The following ASZ1 variants were observed in gnomAD, a reference collection of about 807,000 sequenced individuals.
ASZ1 encodes ankyrin repeat, SAM and basic leucine zipper domain-containing protein 1.
In ASZ1, 67 loss-of-function variants were observed where a neutral mutation model predicts 61.8. The ratio of observed to expected loss-of-function variants is 1.08; its 90% CI spans 0.89 to 1.33. The LOEUF (loss-of-function observed/expected upper bound fraction) is 1.33, where lower values mean the gene tolerates loss of function less well. Ranked by LOEUF, ASZ1 falls within the 40% of genes most tolerant of loss-of-function variation. The pLI is 0.00. For synonymous variants in ASZ1, 193 were observed against 192.7 expected (o/e 1.00, Z -0.01); for missense variants, 577 against 554.5 (o/e 1.04, Z -0.41).
intron 12 of ASZ1, among the ~76,000 whole-genome samples, chr7:117,365,557 T>C (rs1393363485): frequency 1.3e-5 from 2 of 152,178 alleles, no homozygotes; most frequent in South Asian, 4.1e-4. Flanking sequence ...CTGAAGCAAA[T>C]AGCTTTTAGG....
At chr7:117,381,989 TA>T in intron 8 of ASZ1, 79 bp downstream of exon 8, 2 of 878,432 alleles carry the variant, frequency 2.3e-6, no homozygotes, top group Non-Finnish European at 3.6e-6. Context: ...TAGACATGTT[TA>T]TGAATTAATA....
chr7:117,381,130 C>T, intron 8 of ASZ1, 63 bp from the exon 9 acceptor site: 2 of 1,402,266 alleles, frequency 1.4e-6, no homozygotes, highest in African/African-American at 1.5e-5. Context: ...GAGAAGTAGG[C>T]AAATGTTCAT....
chr7:117,379,854 G>T, intron 10 of ASZ1, 84 bp downstream of exon 10: 2 of 867,146 alleles, frequency 2.3e-6, no homozygotes, highest in Non-Finnish European at 3.5e-6. Context: ...CAAGTAAAAT[G>T]ACTCAGACAT....
intron 12 of ASZ1, among the ~76,000 whole-genome samples, chr7:117,364,363 T>C (rs1248487970): frequency 6.6e-6 from 1 of 151,972 alleles, no homozygotes; most frequent in Non-Finnish European, 1.5e-5. Flanking sequence ...CTACTGTGTG[T>C]GTGTGCCCAC....
At position 117,368,310 on chromosome 7, in the gene ASZ1, T is replaced by G; in HGVS notation, c.1161+302A>C. ...ATAACACACTGTTTTATTTCCATTT[T>G]CACTTGGGTCTCCTGTCACTTTATA... On this transcript the variant is annotated intron_variant, in intron 11 of 12. Coordinates refer to ENST00000284629, the MANE Select transcript of ASZ1 (RefSeq NM_130768.3). The G allele has an allele frequency of 4.9e-6, 5 of 1,014,436 alleles. No homozygotes were observed. In the South Asian group the frequency reaches 2.2e-4, roughly 45 times the overall value. 62.8% of individuals were successfully genotyped at this position (1,014,436 alleles called of 1,614,324 possible). A position where few individuals can be genotyped will look rare whatever the true frequency, so the allele number is the denominator to read the frequency against.
At chr7:117,364,542 C>T (rs1378716729) in intron 12 of ASZ1, among the ~76,000 whole-genome samples, 5 of 151,578 alleles carry the variant, frequency 3.3e-5, no homozygotes, top group Non-Finnish European at 5.9e-5. Context: ...TAAGCAGAAA[C>T]CAAAGATCCT....
intron 4 of ASZ1, among the ~76,000 whole-genome samples, chr7:117,395,103 A>G (rs1796552497): frequency 6.6e-6 from 1 of 152,270 alleles, no homozygotes; most frequent in Non-Finnish European, 1.5e-5. Flanking sequence ...CTCCAAACAC[A>G]GAAGACAAGA....
chr7:117,410,353 G>T (rs962915202), intron 4 of ASZ1, among the ~76,000 whole-genome samples: 1 of 151,510 alleles, frequency 6.6e-6, no homozygotes, highest in African/African-American at 2.4e-5. Context: ...ACAGGACTTG[G>T]GACATAAATT....
intron 4 of ASZ1, among the ~76,000 whole-genome samples, chr7:117,390,462 C>T (rs184978639): frequency 4.5e-4 from 68 of 152,262 alleles, no homozygotes; most frequent in African/African-American, 1.5e-3. Context: ...AGCCACCATG[C>T]CCAGCTGCTA....
chr7:117,383,582 G>T (rs1211774501), intron 6 of ASZ1, among the ~76,000 whole-genome samples: 1 of 151,918 alleles, frequency 6.6e-6, no homozygotes, highest in Non-Finnish European at 1.5e-5. Context: ...ATGACTAAAT[G>T]TATACAAATC....
At chr7:117,423,612 G>A (rs1797140281) in intron 2 of ASZ1, among the ~76,000 whole-genome samples, 1 of 148,784 alleles carries the variant, frequency 6.7e-6, no homozygotes, top group African/African-American at 2.5e-5. Context: ...TTGGGATGCC[G>A]AAGTGGGTGG....
intron 4 of ASZ1, among the ~76,000 whole-genome samples, chr7:117,407,219 T>C (rs913683280): frequency 6.6e-6 from 1 of 152,118 alleles, no homozygotes; most frequent in Admixed American, 6.5e-5. Flanking sequence ...ACTATACACA[T>C]GCTCAAGAAA....
At chr7:117,374,018 A>G (rs4727849) in intron 10 of ASZ1, among the ~76,000 whole-genome samples, 76,581 of 151,886 alleles carry the variant, frequency 0.5, 20,808 homozygotes, top group African/African-American at 0.71. Flanking sequence ...CTATTATGTT[A>G]TTCTGAAACA....
At chr7:117,418,904 CGA>C in intron 4 of ASZ1, among the ~76,000 whole-genome samples, 1 of 149,090 alleles carries the variant, frequency 6.7e-6, no homozygotes, top group African/African-American at 2.5e-5. Flanking sequence ...GAAGTTACAG[CGA>C]GCCACGATGG....
chr7:117,414,335 G>A (rs1398140072), intron 4 of ASZ1, among the ~76,000 whole-genome samples: 1 of 152,038 alleles, frequency 6.6e-6, no homozygotes, highest in African/African-American at 2.4e-5. Context: ...TTGACACCCA[G>A]GAATCCAAAT....
At position 117,380,043 on chromosome 7, in the gene ASZ1, C is replaced by A; in HGVS notation, c.950G>T (p.Gly317Val). Residue 317 changes from glycine (G) to valine (V), a missense_variant, in exon 10 of 13, where the codon GGA (glycine) becomes GTA (valine). By Grantham distance (109) the Gly-to-Val change is moderately radical. Coordinates refer to ENST00000284629, the MANE Select transcript of ASZ1 (RefSeq NM_130768.3). The part of the protein sequence containing the change: ...TMREDEFTKN[G>V]ITSKDQQKIL... ...TTTCTGCTGGTCTTTACTGGTAATT[C>A]CATTCTAAGCAGAAATAATTTTAAG... 1 of 1,568,254 alleles carries A rather than the reference C, an allele frequency of 6.4e-7. No individual in the cohort carries two copies. Among genetic ancestry groups the A allele is most frequent in the Non-Finnish European group, 8.7e-7 (1 of 1,146,400 alleles).
chr7:117,414,772 T>C (rs1189976363), intron 4 of ASZ1, among the ~76,000 whole-genome samples: 1 of 152,168 alleles, frequency 6.6e-6, no homozygotes, highest in African/African-American at 2.4e-5. Context: ...CTGAGAATGA[T>C]GGTTTCCAGT....
At chr7:117,400,145 C>T (rs188713551) in intron 4 of ASZ1, among the ~76,000 whole-genome samples, 6 of 152,182 alleles carry the variant, frequency 3.9e-5, no homozygotes, top group East Asian at 3.9e-4. Context: ...GCATATAGTT[C>T]GGTATTATCT....
Position 117,368,674 on chromosome 7 carries a change from ACT to A in ASZ1, c.1097_1098del (p.Gln366LeufsTer14). ...TGTACAGCTGTTATTAAATGGCCACACTGTTTATTTAATTTGAGAAGAAAGTT... is the reference window on the plus strand; with the variant it reads ...TGTACAGCTGTTATTAAATGGCCACAGTTTATTTAATTTGAGAAGAAAGTT... ...FLNFLLKLNK[Q>X]CGHLITAVQN... On this transcript the variant is annotated frameshift_variant, in exon 11 of 13. Transcript: ENST00000284629. LOFTEE classifies it high-confidence loss of function. 6.2e-7 allele frequency: 1 copy of A among 1,612,940 alleles called. No homozygotes were observed. Among genetic ancestry groups the A allele is most frequent in the Non-Finnish European group, 8.5e-7 (1 of 1,179,434 alleles).
Sources: gnomAD v4.1 joint callset for allele counts (sites outside exome capture counted in the v4.1 genomes callset) on GRCh38, gnomAD v4.1.1 for gene constraint, MANE v1.5 for transcripts, NCBI Gene and HGNC (gene_info 2026-07-23, HGNC 2026-07-21) for gene names.